POFUT3: variants seen among roughly 807,000 people sequenced by gnomAD.
The protein encoded by POFUT3 is protein O-fucosyltransferase 3, also known as GDP-fucose protein O-fucosyltransferase 3.
chr8:33,431,446 G>T, the POFUT3 span, among the ~76,000 whole-genome samples: 1 of 148,664 alleles, frequency 6.7e-6, no homozygotes, highest in Non-Finnish European at 1.5e-5. Context: ...TACTTGGGAG[G>T]TTGAGGCACA....
the POFUT3 span, among the ~76,000 whole-genome samples, chr8:33,450,282 C>G: frequency 6.6e-6 from 1 of 152,156 alleles, no homozygotes; most frequent in African/African-American, 2.4e-5. Flanking sequence ...GGTGCTCTCT[C>G]CTGTCTTTGA....
the POFUT3 span, among the ~76,000 whole-genome samples, chr8:33,424,701 C>G: frequency 6.6e-6 from 1 of 152,100 alleles, no homozygotes. Flanking sequence ...TTCGACATTC[C>G]ACCCTCTCCT....
the POFUT3 span, among the ~76,000 whole-genome samples, chr8:33,408,906 C>T: frequency 6.6e-6 from 1 of 152,032 alleles, no homozygotes; most frequent in Admixed American, 6.6e-5. Context: ...AACTCACCAA[C>T]TGCACACTTA....
At chr8:33,438,627 G>A in the POFUT3 span, among the ~76,000 whole-genome samples, 1 of 152,160 alleles carries the variant, frequency 6.6e-6, no homozygotes, top group African/African-American at 2.4e-5. Context: ...TGCTAATGAA[G>A]ACAAACTCGA....
the POFUT3 span, among the ~76,000 whole-genome samples, chr8:33,332,824 C>T: frequency 1.3e-5 from 2 of 152,186 alleles, no homozygotes; most frequent in Non-Finnish European, 2.9e-5. Flanking sequence ...ACTCTCACTG[C>T]CATTACAACT....
the POFUT3 span, among the ~76,000 whole-genome samples, chr8:33,312,705 C>T: frequency 1.5e-4 from 23 of 152,090 alleles, 1 homozygote; most frequent in Non-Finnish European, 2.9e-4. Context: ...AGAGTTCATC[C>T]TGTGCAGTTT....
At chr8:33,439,433 C>A in the POFUT3 span, among the ~76,000 whole-genome samples, 1 of 152,106 alleles carries the variant, frequency 6.6e-6, no homozygotes, top group East Asian at 1.9e-4. Context: ...GTGTGGTTTC[C>A]ATGTTCCTGT....
the POFUT3 span, among the ~76,000 whole-genome samples, chr8:33,469,790 T>A: frequency 3.5e-5 from 5 of 142,406 alleles, no homozygotes; most frequent in African/African-American, 1.3e-4. Context: ...GAAACACAGA[T>A]TTTTTACTTT....
the POFUT3 span, among the ~76,000 whole-genome samples, chr8:33,321,472 C>A: frequency 1.3e-5 from 2 of 152,096 alleles, no homozygotes; most frequent in African/African-American, 2.4e-5. Flanking sequence ...ATCTCTGCCA[C>A]TGAGATAACT....
At chr8:33,467,277 A>C in the POFUT3 span, among the ~76,000 whole-genome samples, 8 of 150,384 alleles carry the variant, frequency 5.3e-5, no homozygotes, top group African/African-American at 1.7e-4. Context: ...TGTCTCAAAA[A>C]AAAAAAAAAA....
the POFUT3 span, among the ~76,000 whole-genome samples, chr8:33,459,185 C>T: frequency 4.0e-5 from 6 of 151,772 alleles, no homozygotes; most frequent in African/African-American, 1.4e-4. Context: ...ACTAAAAATA[C>T]AAAAATTAGC....
the POFUT3 span, among the ~76,000 whole-genome samples, chr8:33,369,080 C>T: frequency 2.0e-5 from 3 of 152,160 alleles, no homozygotes; most frequent in African/African-American, 7.2e-5. Flanking sequence ...TTTTTCTGGA[C>T]AAATCTCAGT....
the POFUT3 span, among the ~76,000 whole-genome samples, chr8:33,343,848 ATCTTG>A: frequency 6.6e-6 from 1 of 152,220 alleles, no homozygotes; most frequent in African/African-American, 2.4e-5. Flanking sequence ...TGCTAAGGAT[ATCTTG>A]TCTTATTTTA....
At chr8:33,425,435 G>A in the POFUT3 span, among the ~76,000 whole-genome samples, 1 of 152,124 alleles carries the variant, frequency 6.6e-6, no homozygotes, top group South Asian at 2.1e-4. Context: ...TGGAAGTGGT[G>A]GTTAAGGCTG....
the POFUT3 span, among the ~76,000 whole-genome samples, chr8:33,343,063 A>G: frequency 6.6e-6 from 1 of 151,496 alleles, no homozygotes; most frequent in Non-Finnish European, 1.5e-5. Flanking sequence ...GTGAGCCAAG[A>G]TCGCGCCACT....
chr8:33,433,188 C>T, the POFUT3 span, among the ~76,000 whole-genome samples: 1 of 150,050 alleles, frequency 6.7e-6, no homozygotes, highest in Non-Finnish European at 1.5e-5. Context: ...GAGCCAAGAT[C>T]ACAACACTGC....
chr8:33,421,607 TTTGACTCC>T, the POFUT3 span, among the ~76,000 whole-genome samples: 7 of 152,196 alleles, frequency 4.6e-5, no homozygotes, highest in African/African-American at 1.4e-4. Context: ...TCTGTTTGTC[TTTGACTCC>T]TTGAGAGTAC....
the POFUT3 span, among the ~76,000 whole-genome samples, chr8:33,426,463 G>GA: frequency 2.6e-5 from 4 of 152,128 alleles, no homozygotes; most frequent in Non-Finnish European, 5.9e-5. Context: ...GAAGCTGTAG[G>GA]AAAAAGTAAT....
the POFUT3 span, among the ~76,000 whole-genome samples, chr8:33,311,707 AC>A: frequency 6.6e-6 from 1 of 152,176 alleles, no homozygotes; most frequent in African/African-American, 2.4e-5. Context: ...TATTCCTTCT[AC>A]ATAAGCAATT....
Sources: allele counts gnomAD v4.1 joint callset (sites outside exome capture counted in the v4.1 genomes callset), GRCh38; gene constraint gnomAD v4.1.1; transcripts MANE v1.5; gene names NCBI Gene and HGNC (gene_info 2026-07-23, HGNC 2026-07-21).